ZNF462: variants seen among roughly 807,000 people sequenced by gnomAD.
The protein encoded by ZNF462 is zinc finger protein 462.
Under a neutral mutation model 201.9 loss-of-function variants are expected in ZNF462, and 10 were observed. The observed-to-expected ratio is 0.05, with a 90% confidence interval of 0.03 to 0.08. ZNF462 has a LOEUF of 0.08. Among genes scored for constraint, ZNF462 ranks in the 10% least tolerant of loss-of-function variants. The probability of loss-of-function intolerance (pLI) is 1.00; values close to 1 mark genes in which losing one functional copy is unlikely to be tolerated. For missense variants in ZNF462, 2,523 were observed against 3,168.3 expected (o/e 0.80, Z 4.89); for synonymous variants, 1,227 against 1,193.3 (o/e 1.03, Z -0.58).
chr9:106,910,367 T>TTTTTTTTG (rs1829495179), intron 1 of ZNF462, among the ~76,000 whole-genome samples: 1 of 145,908 alleles, frequency 6.9e-6, no homozygotes, highest in Admixed American at 6.7e-5. Flanking sequence ...TTTTAGTTTT[T>TTTTTTTTG]TTTTTTTTTT....
Position 106,865,887 on chromosome 9 carries a change from G to A in ZNF462, c.-31+2532G>A, listed in dbSNP as rs758832069. Among the ~76,000 whole-genome samples, 41 of 152,192 alleles carry A rather than the reference G, an allele frequency of 2.7e-4. No homozygotes were observed. Among genetic ancestry groups the A allele is most frequent in the Non-Finnish European group, 5.3e-4 (36 of 68,028 alleles). On this transcript the variant is annotated intron_variant, in intron 1 of 12. Transcript: ENST00000277225. This position sits in a 1 kb window ranked among gnomAD's most constrained non-coding sequence, Gnocchi z 4.1. ...GGGAGCTCTTCACATATTAGTTTTA[G>A]AGAATGTACATAATTGACCCAAGCA...
rs1564062787 is a variant in ZNF462, at chr9:106,864,100, CTCTCT to C, written c.-31+746_-31+750del. Among the ~76,000 whole-genome samples, 96 of 125,156 alleles carry C rather than the reference CTCTCT, an allele frequency of 7.7e-4. 1 individual carries two copies. Among genetic ancestry groups the C allele is most frequent in the Non-Finnish European group, 8.1e-4 (46 of 56,520 alleles). 82.1% of individuals were successfully genotyped at this position (125,156 alleles called of 152,430 possible). A position where few individuals can be genotyped will look rare whatever the true frequency, so the allele number is the denominator to read the frequency against. ...TCTCTCTCTCTCTCTCTCTCTCTCT[CTCTCT>C]CTCTCCCTCTCCCCGAAGTTGGGAT... is the stretch of plus-strand genomic sequence containing the variant. On this transcript the variant is annotated intron_variant, in intron 1 of 12. Transcript: ENST00000277225.
chr9:106,898,053 C>A (rs1366014049), intron 1 of ZNF462, among the ~76,000 whole-genome samples: 1 of 152,220 alleles, frequency 6.6e-6, no homozygotes, highest in African/African-American at 2.4e-5. Flanking sequence ...TTATACATTT[C>A]TCAAAAGGGA....
intron 1 of ZNF462, among the ~76,000 whole-genome samples, chr9:106,914,507 G>T (rs1829687931): frequency 6.6e-6 from 1 of 152,240 alleles, no homozygotes; most frequent in Admixed American, 6.5e-5. Context: ...ACAACACAGG[G>T]TTAGTAGAGT....
chr9:106,970,223 A>G lies in ZNF462; in HGVS notation c.6428-1782A>G, dbSNP rs546301443. On this transcript the variant is annotated intron_variant, in intron 7 of 12. Coordinates refer to ENST00000277225, the MANE Select transcript of ZNF462 (RefSeq NM_021224.6). The surrounding 1 kb of genome is among the most constrained non-coding windows in gnomAD (Gnocchi z 4.2). ...TCCATTTACACCTGGTAATGAACCT[A>G]TGGAGGCTTGGAGACATTGTTCAGG... Among the ~76,000 whole-genome samples, 25 of 152,266 alleles carry G rather than the reference A, an allele frequency of 1.6e-4. No individual in the cohort carries two copies. The highest frequency in any genetic ancestry group is 4.1e-4 in the South Asian group (2 of 4,828).
intron 1 of ZNF462, among the ~76,000 whole-genome samples, chr9:106,884,437 T>C (rs965064953): frequency 6.6e-6 from 1 of 152,184 alleles, no homozygotes; most frequent in Admixed American, 6.5e-5. Flanking sequence ...TTAAGGGTAC[T>C]GTATACTGAG....
At position 106,972,215 on chromosome 9, in the gene ZNF462, A is replaced by G; in HGVS notation, c.6638A>G (p.Lys2213Arg). Residue 2213 changes from lysine (K) to arginine (R), a missense_variant, in exon 8 of 13, where the codon AAG becomes AGG. Lys to Arg is a conservative substitution (Grantham distance 26). This residue lies in a region of ZNF462 where 228 missense variants were observed against 361.2 expected (regional missense o/e 0.63). Coordinates refer to ENST00000277225, the MANE Select transcript of ZNF462 (RefSeq NM_021224.6). This position sits in a 1 kb window ranked among gnomAD's most constrained non-coding sequence, Gnocchi z 4.8. The part of the protein sequence containing the change: ...IQSIRRHYRD[K>R]HGGKKLFKCK... ...AGCATCAGGCGTCATTACCGGGACA[A>G]GCATGGTGGGAAGAAGCTTTTCAAG... 6.2e-7 allele frequency: 1 copy of G among 1,614,236 alleles called. No homozygotes were observed. Among genetic ancestry groups the G allele is most frequent in the Non-Finnish European group, 8.5e-7 (1 of 1,180,046 alleles).
At chr9:106,863,574 GGAA>G (rs1326646791) in intron 1 of ZNF462, among the ~76,000 whole-genome samples, 1 of 150,468 alleles carries the variant, frequency 6.6e-6, no homozygotes, top group Non-Finnish European at 1.5e-5. Context: ...AGGGGGAGGA[GGAA>G]GAGGAGGAGG....
Position 106,929,599 on chromosome 9 carries a change from A to C in ZNF462, c.5687A>C (p.His1896Pro). Residue 1896 changes from histidine (H) to proline (P), a missense_variant, in exon 3 of 13, where the codon CAC becomes CCC. Coordinates refer to ENST00000277225, the MANE Select transcript of ZNF462 (RefSeq NM_021224.6). The surrounding 1 kb of genome is among the most constrained non-coding windows in gnomAD (Gnocchi z 8.7). The stretch of plus-strand genomic sequence containing the variant: ...CAGAACTCCACCTACCAGTGTAAGC[A>C]CTGTGATAGCAAACTGCAAAGCACA... ...RLQNSTYQCK[H>P]CDSKLQSTAE... 1 of 1,614,210 alleles carries C rather than the reference A, an allele frequency of 6.2e-7. No individual in the cohort carries two copies. The highest frequency in any genetic ancestry group is 8.5e-7 in the Non-Finnish European group (1 of 1,180,038).
chr9:106,952,633 T>A (rs923522616), intron 7 of ZNF462, among the ~76,000 whole-genome samples: 5 of 152,234 alleles, frequency 3.3e-5, no homozygotes, highest in African/African-American at 1.2e-4. Flanking sequence ...CTTGATACTC[T>A]AATGGGCTAG....
intron 5 of ZNF462, among the ~76,000 whole-genome samples, chr9:106,934,694 C>T (rs1008885327): frequency 1.3e-5 from 2 of 152,208 alleles, no homozygotes; most frequent in African/African-American, 4.8e-5. Context: ...ACCGTTCCCA[C>T]ATGAGGCATT....
At chr9:106,897,137 C>T (rs1828846250) in intron 1 of ZNF462, among the ~76,000 whole-genome samples, 1 of 152,164 alleles carries the variant, frequency 6.6e-6, no homozygotes, top group South Asian at 2.1e-4. Context: ...AAAAGTAAAA[C>T]TTCTTTTCAA....
intron 10 of ZNF462, among the ~76,000 whole-genome samples, chr9:106,987,822 C>T (rs1306964220): frequency 6.6e-6 from 1 of 152,110 alleles, no homozygotes; most frequent in Non-Finnish European, 1.5e-5. Flanking sequence ...CTTAATCCAT[C>T]TTGAGTTGAT....
intron 10 of ZNF462, among the ~76,000 whole-genome samples, chr9:106,999,665 T>C (rs1260567255): frequency 6.6e-6 from 1 of 152,208 alleles, no homozygotes; most frequent in Admixed American, 6.5e-5. Context: ...ATGTAAATAA[T>C]CTACAGATAG....
intron 1 of ZNF462, among the ~76,000 whole-genome samples, chr9:106,899,992 C>G (rs898841002): frequency 3.5e-5 from 5 of 142,170 alleles, no homozygotes; most frequent in East Asian, 2.4e-4. Context: ...CTCTTGCCCC[C>G]CTCCCACTCT....
intron 8 of ZNF462, among the ~76,000 whole-genome samples, chr9:106,973,923 T>C (rs1009094754): frequency 6.6e-6 from 1 of 152,040 alleles, no homozygotes; most frequent in Non-Finnish European, 1.5e-5. Context: ...GGGCACAGTT[T>C]CCAGAAAGAA....
rs1028618494 is a variant in ZNF462 at position 107,008,272 on chromosome 9, A to G, written c.7190-1273A>G. On this transcript the variant is annotated intron_variant, in intron 11 of 12. Transcript: ENST00000277225. The surrounding 1 kb of genome is among the most constrained non-coding windows in gnomAD (Gnocchi z 4.8). ...TCCAATGAAAAGAATCAAGGAAGAT[A>G]GTCTGTGCAATTATTTTTAATGGCT... Among the ~76,000 whole-genome samples the G allele has an allele frequency of 1.3e-5, 2 of 152,188 alleles. No homozygotes were observed. Among genetic ancestry groups the G allele is most frequent in the African/African-American group, 4.8e-5 (2 of 41,456 alleles).
At chr9:106,960,809 A>G (rs927870749) in intron 7 of ZNF462, among the ~76,000 whole-genome samples, 9 of 152,046 alleles carry the variant, frequency 5.9e-5, no homozygotes, top group Non-Finnish European at 4.4e-5. Flanking sequence ...AAACACACAC[A>G]TTTTTGGGAC....
intron 1 of ZNF462, among the ~76,000 whole-genome samples, chr9:106,914,689 G>T (rs1396085477): frequency 2.0e-5 from 3 of 152,192 alleles, no homozygotes; most frequent in Non-Finnish European, 2.9e-5. Flanking sequence ...CCTTCTAAGG[G>T]TACTTGTGTT....
Sources: gnomAD v4.1 joint callset for allele counts (sites outside exome capture counted in the v4.1 genomes callset) on GRCh38, gnomAD v4.1.1 for gene constraint, gnomAD v4.1.1 regional missense constraint, Gnocchi (gnomAD v3.1) non-coding constraint, MANE v1.5 for transcripts, NCBI Gene and HGNC (gene_info 2026-07-23, HGNC 2026-07-21) for gene names.